Variants in RAPH1 observed in about 807,000 individuals in gnomAD.
RAPH1 encodes ras-associated and pleckstrin homology domains-containing protein 1.
A neutral mutation model predicts 88.1 loss-of-function variants in RAPH1; 18 were observed. The observed-to-expected ratio is 0.20, with a 90% confidence interval of 0.14 to 0.30. The LOEUF is 0.30. Among genes scored for constraint, RAPH1 ranks in the 10% least tolerant of loss-of-function variants. The pLI, the probability that RAPH1 is intolerant of heterozygous loss-of-function variation, is 1.00. For missense variants in RAPH1, 1,448 were observed against 1,543.2 expected (o/e 0.94, Z 1.03); for synonymous variants, 587 against 559.0 (o/e 1.05, Z -0.71).
chr2:203,444,790 A>G, intron 13 of RAPH1, 78 bp downstream of exon 13: 2 of 1,336,856 alleles, frequency 1.5e-6, no homozygotes, highest in Admixed American at 2.0e-5. Flanking sequence ...GATCCCCGAT[A>G]AAGACATAAG....
At chr2:203,475,505 A>AT (rs1687378644) in intron 4 of RAPH1, among the ~76,000 whole-genome samples, 1 of 152,222 alleles carries the variant, frequency 6.6e-6, no homozygotes, top group Non-Finnish European at 1.5e-5. Context: ...ATCCCACATT[A>AT]TAACACTGAA....
chr2:203,451,238 A>G (rs1001427302), intron 10 of RAPH1, among the ~76,000 whole-genome samples: 2 of 152,222 alleles, frequency 1.3e-5, no homozygotes, highest in African/African-American at 4.8e-5. Flanking sequence ...TGTACTAGAC[A>G]CTATGTAAAA....
At position 203,445,853 on chromosome 2, in the gene RAPH1, A is replaced by G. The variant is rs546304879; in HGVS notation, c.1634-843T>C. ...CTTAGAATAGTTTTAAGATATCTACATATTAGATATTTGAATATTAGAACA... is the reference window on the plus strand; with the variant it reads ...CTTAGAATAGTTTTAAGATATCTACGTATTAGATATTTGAATATTAGAACA... On this transcript the variant is annotated intron_variant, in intron 12 of 13. Transcript: ENST00000319170. 142 of 152,304 alleles carry G rather than the reference A, an allele frequency of 9.3e-4. 1 individual carries two copies. The highest frequency in any genetic ancestry group is 3.3e-3 in the African/African-American group (136 of 41,562). 9.4% of individuals were successfully genotyped at this position (152,304 alleles called of 1,614,324 possible).
chr2:203,516,392 G>A (rs1385562779), intron 1 of RAPH1, among the ~76,000 whole-genome samples: 1 of 152,214 alleles, frequency 6.6e-6, no homozygotes, highest in African/African-American at 2.4e-5. Context: ...AAATATGGCA[G>A]ATATTAATCC....
At chr2:203,533,780 G>A (rs1690493083) in intron 1 of RAPH1, among the ~76,000 whole-genome samples, 1 of 151,928 alleles carries the variant, frequency 6.6e-6, no homozygotes, top group South Asian at 2.1e-4. Context: ...GGAATTTAAG[G>A]TGCTGTTAAA....
chr2:203,464,699 T>G (rs569817976), intron 4 of RAPH1, among the ~76,000 whole-genome samples: 1 of 151,776 alleles, frequency 6.6e-6, no homozygotes, highest in African/African-American at 2.4e-5. Flanking sequence ...TTCAAGAGAA[T>G]GAGAAGACAA....
intron 1 of RAPH1, among the ~76,000 whole-genome samples, chr2:203,502,194 C>G (rs1349772130): frequency 6.6e-6 from 1 of 152,208 alleles, no homozygotes. Context: ...GAGCTGACAC[C>G]TGGAACTCAG....
chr2:203,506,753 T>C (rs1243263394), intron 1 of RAPH1, among the ~76,000 whole-genome samples: 1 of 130,978 alleles, frequency 7.6e-6, no homozygotes, highest in Non-Finnish European at 1.6e-5. Flanking sequence ...TATATATATA[T>C]ATATCTATAT....
chr2:203,527,800 C>CAAAAA (rs59384499), intron 1 of RAPH1, among the ~76,000 whole-genome samples: 8 of 51,116 alleles, frequency 1.6e-4, no homozygotes, highest in East Asian at 6.2e-4. Flanking sequence ...AACTCCATCT[C>CAAAAA]AAAAAAAAAA....
In RAPH1 at chr2:203,440,796, C is replaced by G. The variant is rs764990447; in HGVS notation, c.2394G>C (p.Val798=). The G allele has an allele frequency of 6.2e-7, 1 of 1,605,036 alleles. No individual in the cohort carries two copies. Among genetic ancestry groups the G allele is most frequent in the African/African-American group, 1.4e-5 (1 of 73,362 alleles). The change falls in exon 14 of 14, where the codon GTG becomes GTC. Residue 798 remains valine, a synonymous_variant. Transcript: ENST00000319170. ...PTSTKTVAPV[V]TQAAPPTPTP... ...TAGGTGTGGGTGGTGCAGCTTGAGT[C>G]ACAACAGGTGCCACAGTCTTGGTGC...
chr2:203,471,633 C>T (rs2105737059), intron 4 of RAPH1, among the ~76,000 whole-genome samples: 1 of 151,842 alleles, frequency 6.6e-6, no homozygotes, highest in South Asian at 2.1e-4. Flanking sequence ...AAAGTACATA[C>T]ACGGTCATAG....
intron 1 of RAPH1, among the ~76,000 whole-genome samples, chr2:203,523,016 CA>C (rs1689960140): frequency 6.6e-6 from 1 of 151,782 alleles, no homozygotes; most frequent in East Asian, 1.9e-4. Context: ...GTAGTACTGG[CA>C]AAAGGATAGA....
intron 13 of RAPH1, chr2:203,442,301 G>T: frequency 2.5e-6 from 1 of 402,630 alleles, no homozygotes; most frequent in Non-Finnish European, 4.4e-6. Flanking sequence ...CATGCACGAT[G>T]GTGGTTCAGG....
intron 4 of RAPH1, among the ~76,000 whole-genome samples, chr2:203,475,473 A>T (rs1327202569): frequency 6.6e-6 from 1 of 152,200 alleles, no homozygotes; most frequent in Non-Finnish European, 1.5e-5. Flanking sequence ...CAGATATCAA[A>T]TGATTTTATT....
chr2:203,493,140 C>T (rs1258581422), intron 2 of RAPH1, among the ~76,000 whole-genome samples: 1 of 152,180 alleles, frequency 6.6e-6, no homozygotes, highest in Non-Finnish European at 1.5e-5. Context: ...CAGTGAGTCA[C>T]ACTATGCCAC....
At position 203,489,700 on chromosome 2, in the gene RAPH1, T is replaced by A; in HGVS notation, c.616A>T (p.Asn206Tyr). 6.2e-7 allele frequency: 1 copy of A among 1,614,164 alleles called. No individual in the cohort carries two copies. The highest frequency in any genetic ancestry group is 8.5e-7 in the Non-Finnish European group (1 of 1,180,022). The change falls in exon 4 of 14, where the codon AAT becomes TAT. Residue 206 changes from asparagine (N) to tyrosine (Y), a missense_variant. Physicochemically the swap from Asn to Tyr is moderately radical, Grantham distance 143. Transcript: ENST00000319170. ...GAAGTGATGCTGGAATGGGAGGAAT[T>A]ACTAATAGAGTGTACTTCAGCATCA... ...VSDAEVHSIS[N>Y]SSHSSITSAA...
intron 4 of RAPH1, among the ~76,000 whole-genome samples, chr2:203,469,599 T>C (rs993900035): frequency 2.0e-5 from 3 of 152,186 alleles, no homozygotes; most frequent in Non-Finnish European, 4.4e-5. Flanking sequence ...AAAACATGAC[T>C]TAAAAAGAGG....
chr2:203,503,514 C>T (rs1404970501), intron 1 of RAPH1, among the ~76,000 whole-genome samples: 1 of 152,180 alleles, frequency 6.6e-6, no homozygotes, highest in African/African-American at 2.4e-5. Flanking sequence ...ATTCAATTAT[C>T]TCCCCCTGGG....
Position 203,464,050 on chromosome 2 carries a change from A to G in RAPH1, c.733-2125T>C, listed in dbSNP as rs2098526448. Among the ~76,000 whole-genome samples the G allele has an allele frequency of 3.3e-5, 5 of 152,222 alleles. No individual in the cohort carries two copies. The South Asian group carries it at 1.0e-3, about 31-fold the overall frequency. ...TGACAAATTTAGGGGAAGAGAAAGA[A>G]GGAGGCAGAAGTTTCATGAATATTT... is the stretch of plus-strand genomic sequence containing the variant. On this transcript the variant is annotated intron_variant, in intron 4 of 13. Transcript: ENST00000319170.
Sources: allele counts gnomAD v4.1 joint callset (sites outside exome capture counted in the v4.1 genomes callset), GRCh38; gene constraint gnomAD v4.1.1; transcripts MANE v1.5; gene names NCBI Gene and HGNC (gene_info 2026-07-23, HGNC 2026-07-21).